SLC4A10: variants seen among roughly 807,000 people sequenced by gnomAD.
The protein encoded by SLC4A10 is sodium-driven chloride bicarbonate exchanger.
SLC4A10 carries 42 observed loss-of-function variants against 137.7 expected under a neutral mutation model. That is an observed-to-expected ratio of 0.30 (90% CI 0.24 to 0.39). The LOEUF (loss-of-function observed/expected upper bound fraction) is 0.39. Among genes scored for constraint, SLC4A10 ranks in the 10% least tolerant of loss-of-function variants. The probability of loss-of-function intolerance (pLI) is 1.00; values close to 1 mark genes in which losing one functional copy is unlikely to be tolerated. For synonymous variants in SLC4A10, 474 were observed against 464.1 expected, an observed-to-expected ratio of 1.02 and a Z score of -0.27; for missense variants, 925 against 1,355.0, an observed-to-expected ratio of 0.68 and a Z score of 4.98.
At chr2:161,642,305 A>G (rs537190691) in intron 1 of SLC4A10, among the ~76,000 whole-genome samples, 23 of 152,130 alleles carry the variant, frequency 1.5e-4, no homozygotes, top group African/African-American at 5.5e-4. Context: ...TTTTGGCATT[A>G]GAATCAGCTT....
intron 15 of SLC4A10, among the ~76,000 whole-genome samples, chr2:161,941,112 G>A (rs1216988731): frequency 1.3e-5 from 2 of 152,038 alleles, no homozygotes; most frequent in Non-Finnish European, 2.9e-5. Context: ...AAAATAACTC[G>A]AAAAATACAT....
intron 1 of SLC4A10, among the ~76,000 whole-genome samples, chr2:161,750,319 C>A (rs2048837284): frequency 6.6e-6 from 1 of 151,474 alleles, no homozygotes; most frequent in African/African-American, 2.4e-5. Context: ...CTTTTCTAGT[C>A]CTTGAGGTCT....
intron 1 of SLC4A10, among the ~76,000 whole-genome samples, chr2:161,729,018 T>A (rs2046539667): frequency 6.6e-6 from 1 of 151,082 alleles, no homozygotes; most frequent in African/African-American, 2.4e-5. Flanking sequence ...AAAAAAAAAA[T>A]CAGGAAACTA....
intron 15 of SLC4A10, among the ~76,000 whole-genome samples, chr2:161,925,339 G>A (rs1435351889): frequency 1.3e-5 from 2 of 152,268 alleles, no homozygotes; most frequent in Admixed American, 6.5e-5. Context: ...TTGCGTAGAG[G>A]TGTTTGTAGT....
intron 19 of SLC4A10, among the ~76,000 whole-genome samples, chr2:161,953,039 TA>T (rs1695069726): frequency 6.6e-6 from 1 of 152,200 alleles, no homozygotes; most frequent in African/African-American, 2.4e-5. Flanking sequence ...TTTCAGCTTT[TA>T]CTAATTTTCT....
chr2:161,683,092 TA>T (rs1251079887), intron 1 of SLC4A10, among the ~76,000 whole-genome samples: 1 of 152,132 alleles, frequency 6.6e-6, no homozygotes, highest in Non-Finnish European at 1.5e-5. Flanking sequence ...GGGGACTGAC[TA>T]TGGAAGAGTG....
At chr2:161,746,472 C>T (rs1365337159) in intron 1 of SLC4A10, among the ~76,000 whole-genome samples, 1 of 152,016 alleles carries the variant, frequency 6.6e-6, no homozygotes, top group African/African-American at 2.4e-5. Flanking sequence ...GCCTAGGTCT[C>T]TCACTTCAGG....
intron 1 of SLC4A10, among the ~76,000 whole-genome samples, chr2:161,768,916 C>T (rs568256062): frequency 3.5e-4 from 53 of 152,050 alleles, no homozygotes; most frequent in African/African-American, 1.3e-3. Context: ...TAGAGCTCTT[C>T]AAGGATGCTA....
At chr2:161,799,562 CCTT>C (rs982685267) in intron 2 of SLC4A10, among the ~76,000 whole-genome samples, 13 of 151,890 alleles carry the variant, frequency 8.6e-5, no homozygotes, top group Non-Finnish European at 1.3e-4. Context: ...AAATATCATT[CCTT>C]CTTCTTATTC....
At chr2:161,798,017 C>G (rs1159378900) in intron 2 of SLC4A10, among the ~76,000 whole-genome samples, 1 of 151,078 alleles carries the variant, frequency 6.6e-6, no homozygotes, top group African/African-American at 2.4e-5. Flanking sequence ...TTTAGCAAAA[C>G]AACACAAGGA....
At chr2:161,971,984 AT>A (rs1249099267) in intron 23 of SLC4A10, among the ~76,000 whole-genome samples, 1 of 152,124 alleles carries the variant, frequency 6.6e-6, no homozygotes, top group Non-Finnish European at 1.5e-5. Context: ...CTTTGGTCCA[AT>A]TTTTTGCTGT....
At chr2:161,878,636 T>C (rs914996385) in intron 8 of SLC4A10, among the ~76,000 whole-genome samples, 10 of 152,234 alleles carry the variant, frequency 6.6e-5, no homozygotes, top group Admixed American at 2.6e-4. Flanking sequence ...GTGAAGAATA[T>C]AGAACAACTA....
intron 2 of SLC4A10, among the ~76,000 whole-genome samples, chr2:161,790,292 A>C (rs2125528823): frequency 6.6e-6 from 1 of 152,282 alleles, no homozygotes; most frequent in Non-Finnish European, 1.5e-5. Context: ...CTCCCATTGG[A>C]GACTACTTTT....
intron 12 of SLC4A10, 134 bp downstream of exon 12, chr2:161,901,145 T>C: frequency 1.4e-6 from 1 of 691,494 alleles, no homozygotes; most frequent in Non-Finnish European, 2.6e-6. Flanking sequence ...AAATGCCAAT[T>C]AGTTTGATTT....
intron 1 of SLC4A10, among the ~76,000 whole-genome samples, chr2:161,702,812 A>G (rs960144978): frequency 6.6e-6 from 1 of 151,844 alleles, no homozygotes; most frequent in African/African-American, 2.4e-5. Context: ...TATGTTCTCT[A>G]TGGATCAGCA....
chr2:161,823,791 G>A (rs529460362), intron 3 of SLC4A10, among the ~76,000 whole-genome samples: 2 of 152,302 alleles, frequency 1.3e-5, no homozygotes, highest in Admixed American at 6.5e-5. Flanking sequence ...TAAAGCAGAC[G>A]AAAGTGCCCA....
At chr2:161,846,821 A>C (rs929247560) in intron 4 of SLC4A10, among the ~76,000 whole-genome samples, 1 of 152,168 alleles carries the variant, frequency 6.6e-6, no homozygotes, top group African/African-American at 2.4e-5. Context: ...GGGGACAGAA[A>C]TAGAGTGAGG....
intron 4 of SLC4A10, among the ~76,000 whole-genome samples, chr2:161,844,374 A>G (rs2059368183): frequency 6.6e-6 from 1 of 152,158 alleles, no homozygotes; most frequent in African/African-American, 2.4e-5. Context: ...AGAACAGTTA[A>G]TGTCTATAAA....
At chr2:161,641,266 AT>A (rs796460530) in intron 1 of SLC4A10, among the ~76,000 whole-genome samples, 20 of 152,198 alleles carry the variant, frequency 1.3e-4, no homozygotes, top group African/African-American at 4.3e-4. Context: ...CATTTATGTC[AT>A]TTCTTATGAA....
Sources: gnomAD v4.1 joint callset for allele counts (sites outside exome capture counted in the v4.1 genomes callset) on GRCh38, gnomAD v4.1.1 for gene constraint, MANE v1.5 for transcripts, NCBI Gene and HGNC (gene_info 2026-07-23, HGNC 2026-07-21) for gene names.